Variants in PCDHGA9 observed in about 807,000 individuals in gnomAD.
The protein encoded by PCDHGA9 is protocadherin gamma subfamily A, 9.
In PCDHGA9, 37 loss-of-function variants were observed where a neutral mutation model predicts 62.5. The observed-to-expected ratio is 0.59, with a 90% CI of 0.46 to 0.78. The LOEUF is 0.78. Among genes scored for constraint, PCDHGA9 ranks in the 30% least tolerant of loss-of-function variants. PCDHGA9 has a pLI of 0.00. For synonymous variants in PCDHGA9, 459 were observed against 484.6 expected, an observed-to-expected ratio of 0.95 and a Z score of 0.69; for missense variants, 1,138 against 1,166.2, an observed-to-expected ratio of 0.98 and a Z score of 0.35.
chr5:141,511,115 A>G lies in PCDHGA9; in HGVS notation c.2741A>G (p.Lys914Arg). 6.2e-7 allele frequency: 1 copy of G among 1,614,214 alleles called. No individual in the cohort carries two copies. Among genetic ancestry groups the G allele is most frequent in the Non-Finnish European group, 8.5e-7 (1 of 1,180,006 alleles). ...AACGCAGCTGGCAAGCGGGATGGCA[A>G]GGCCCCAGCAGGTGGCAATGGCAAC... Reference protein sequence around the residue: ...LTNAAGKRDGKAPAGGNGNKK... With the variant: ...LTNAAGKRDGRAPAGGNGNKK... Residue 914 changes from lysine (K) to arginine (R), a missense_variant, in exon 4 of 4, where the codon AAG becomes AGG. Coordinates refer to ENST00000573521, the MANE Select transcript of PCDHGA9 (RefSeq NM_018921.3).
intron 1 of PCDHGA9, among the ~76,000 whole-genome samples, chr5:141,444,152 ATTTTTTTTTTTT>A (rs747671382): frequency 5.9e-4 from 20 of 33,896 alleles, no homozygotes; most frequent in African/African-American, 1.8e-3. Flanking sequence ...TGTGTACTGG[ATTTTTTTTTTTT>A]TTTTTTTTTT....
At position 141,476,114 on chromosome 5, in the gene PCDHGA9, G is replaced by C; in HGVS notation, c.2425-18693G>C. 3.8e-6 allele frequency: 6 copies of C among 1,592,296 alleles called. No homozygotes were observed. Among genetic ancestry groups the C allele is most frequent in the Non-Finnish European group, 5.1e-6 (6 of 1,171,536 alleles). On this transcript the variant is annotated intron_variant, in intron 1 of 3. Coordinates refer to ENST00000573521, the MANE Select transcript of PCDHGA9 (RefSeq NM_018921.3). This position sits in a 1 kb window ranked among gnomAD's most constrained non-coding sequence, Gnocchi z 7.6. Reference sequence around the variant, plus strand: ...CCGCTGAGAGGAACTGCTTTTGAGTGAGATGGTCCCAGAGGCCTGGAGGAG... The same window carrying C: ...CCGCTGAGAGGAACTGCTTTTGAGTCAGATGGTCCCAGAGGCCTGGAGGAG...
Position 141,489,569 on chromosome 5 carries a change from C to T in PCDHGA9, c.2425-5238C>T. On this transcript the variant is annotated intron_variant, in intron 1 of 3. Coordinates refer to ENST00000573521, the MANE Select transcript of PCDHGA9 (RefSeq NM_018921.3). This position sits in a 1 kb window ranked among gnomAD's most constrained non-coding sequence, Gnocchi z 4.5. ...TGCCTGCTGCCAGTGCAGGTGGTGACTGAACACCCCCTGGAGCTAATCCGT... is the reference window on the plus strand; with the variant it reads ...TGCCTGCTGCCAGTGCAGGTGGTGATTGAACACCCCCTGGAGCTAATCCGT... 6.2e-7 allele frequency: 1 copy of T among 1,614,024 alleles called. No homozygotes were observed. The highest frequency in any genetic ancestry group is 2.2e-5 in the East Asian group (1 of 44,870).
At chr5:141,407,980 C>G in intron 1 of PCDHGA9, 1 of 760,358 alleles carries the variant, frequency 1.3e-6, no homozygotes, top group Non-Finnish European at 2.0e-6. Flanking sequence ...CGCCGGGGAT[C>G]CGTCAGCCTC....
chr5:141,489,126 T>A lies in PCDHGA9; in HGVS notation c.2425-5681T>A. ...TGCAAGCAGGCAAACCTCCGAGCAGTTTTTAAGAGGCTGGAAGGAGACATA... is the reference window on the plus strand; with the variant it reads ...TGCAAGCAGGCAAACCTCCGAGCAGATTTTAAGAGGCTGGAAGGAGACATA... On this transcript the variant is annotated intron_variant, in intron 1 of 3. Transcript: ENST00000573521. This position sits in a 1 kb window ranked among gnomAD's most constrained non-coding sequence, Gnocchi z 4.5. 1.7e-6 allele frequency: 1 copy of A among 585,136 alleles called. No individual in the cohort carries two copies. Among genetic ancestry groups the A allele is most frequent in the Non-Finnish European group, 2.7e-6 (1 of 375,012 alleles). The allele number at this position is 585,136 out of a possible 1,614,324, so 36.2% of individuals were successfully genotyped here.
chr5:141,446,775 T>C (rs1175892018), intron 1 of PCDHGA9, among the ~76,000 whole-genome samples: 2 of 152,188 alleles, frequency 1.3e-5, no homozygotes, highest in Admixed American at 6.5e-5. Context: ...CCGGTTACCA[T>C]TCTTTTACTC....
At chr5:141,495,974 CTCTT>C (rs1562171251) in intron 2 of PCDHGA9, among the ~76,000 whole-genome samples, 2 of 152,032 alleles carry the variant, frequency 1.3e-5, no homozygotes, top group Non-Finnish European at 1.5e-5. Context: ...TTCTCTGTTA[CTCTT>C]TCTTTATCTC....
At chr5:141,407,309 A>C (rs1197028846) in intron 1 of PCDHGA9, among the ~76,000 whole-genome samples, 1 of 152,240 alleles carries the variant, frequency 6.6e-6, no homozygotes, top group African/African-American at 2.4e-5. Flanking sequence ...AGTAGCCTTC[A>C]TACTTAGTAT....
At chr5:141,507,016 G>C (rs913170594) in intron 3 of PCDHGA9, 1 of 152,166 alleles carries the variant, frequency 6.6e-6, no homozygotes, top group African/African-American at 2.4e-5. Context: ...AACCGAGAAG[G>C]CACTTGCCCC....
chr5:141,486,105 A>C lies in PCDHGA9; in HGVS notation c.2425-8702A>C. The stretch of plus-strand genomic sequence containing the variant: ...ACTCTTTTGGGGCCCCTAGACTTTG[A>C]GAGTGAGAATTACTATGAATTTGAT... On this transcript the variant is annotated intron_variant, in intron 1 of 3. Transcript: ENST00000573521. This position sits in a 1 kb window ranked among gnomAD's most constrained non-coding sequence, Gnocchi z 5.0. The C allele has an allele frequency of 1.2e-6, 2 of 1,614,138 alleles. No individual in the cohort carries two copies. The highest frequency in any genetic ancestry group is 1.7e-6 in the Non-Finnish European group (2 of 1,180,016).
In PCDHGA9 at chr5:141,409,944, C is replaced by T. The variant is rs779095634; in HGVS notation, c.2424+4568C>T. The T allele has an allele frequency of 6.2e-7, 1 of 1,613,302 alleles. No individual in the cohort carries two copies. The highest frequency in any genetic ancestry group is 1.7e-5 in the Admixed American group (1 of 60,024). On this transcript the variant is annotated intron_variant, in intron 1 of 3. Transcript: ENST00000573521. ...GCGTTCTTCGATATGGTACCTCGCTCTGCAGAGCCCGGCTACCTAGTGACT... is the reference window on the plus strand; with the variant it reads ...GCGTTCTTCGATATGGTACCTCGCTTTGCAGAGCCCGGCTACCTAGTGACT...
Position 141,485,804 on chromosome 5 carries a change from G to A in PCDHGA9, c.2425-9003G>A. 6.2e-7 allele frequency: 1 copy of A among 1,614,218 alleles called. No individual in the cohort carries two copies. On this transcript the variant is annotated intron_variant, in intron 1 of 3. Coordinates refer to ENST00000573521, the MANE Select transcript of PCDHGA9 (RefSeq NM_018921.3). This position sits in a 1 kb window ranked among gnomAD's most constrained non-coding sequence, Gnocchi z 5.7. The stretch of plus-strand genomic sequence containing the variant: ...AGAGAAGCAATCGGACTACCGCCTG[G>A]TGCTGACTGCTGTCGATGGAGGGAA...
chr5:141,506,253 G>A (rs1332023284), intron 3 of PCDHGA9, among the ~76,000 whole-genome samples: 2 of 151,862 alleles, frequency 1.3e-5, no homozygotes, highest in Non-Finnish European at 2.9e-5. Flanking sequence ...GTTCGAAACC[G>A]GCCTGGCCAA....
At chr5:141,494,250 G>C (rs908660385) in intron 1 of PCDHGA9, among the ~76,000 whole-genome samples, 3 of 152,182 alleles carry the variant, frequency 2.0e-5, no homozygotes, top group African/African-American at 7.2e-5. Flanking sequence ...TTTAGCTGTG[G>C]GAAGAGATTC....
At chr5:141,414,046 A>G (rs780040293) in intron 1 of PCDHGA9, 1 of 1,611,254 alleles carries the variant, frequency 6.2e-7, no homozygotes, top group Non-Finnish European at 8.5e-7. Context: ...ATTACCTGAC[A>G]CGCAATTGTT....
chr5:141,456,578 C>G (rs959608396), intron 1 of PCDHGA9, among the ~76,000 whole-genome samples: 10 of 152,182 alleles, frequency 6.6e-5, no homozygotes, highest in African/African-American at 1.7e-4. Flanking sequence ...TTTCCCTGAG[C>G]CTGTCAATAA....
intron 1 of PCDHGA9, among the ~76,000 whole-genome samples, chr5:141,481,478 T>C (rs2099538352): frequency 6.6e-6 from 1 of 152,232 alleles, no homozygotes; most frequent in African/African-American, 2.4e-5. Context: ...GATTATACAC[T>C]TTAAATATGT....
intron 1 of PCDHGA9, chr5:141,471,433 T>C (rs2099257619): frequency 6.6e-6 from 1 of 152,162 alleles, no homozygotes; most frequent in African/African-American, 2.4e-5. Flanking sequence ...GGAAAGTGTA[T>C]AATCTCATGT....
rs752153213 is a variant in PCDHGA9 at position 141,405,316 on chromosome 5, T to C, written c.2364T>C (p.Asn788=). The C allele has an allele frequency of 3.1e-6, 5 of 1,614,232 alleles. No individual in the cohort carries two copies. Among genetic ancestry groups the C allele is most frequent in the Non-Finnish European group, 4.2e-6 (5 of 1,180,034 alleles). The change falls in exon 1 of 4, where the codon AAT becomes AAC. Residue 788 remains asparagine (N), a synonymous_variant. Coordinates refer to ENST00000573521, the MANE Select transcript of PCDHGA9 (RefSeq NM_018921.3). The part of the protein sequence containing the change: ...TLISQQSCEK[N]EPLCVSVDSK... ...TCAGCCAGCAGAGCTGTGAGAAAAA[T>C]GAGCCTTTGTGCGTCTCTGTTGATT...
Sources: allele counts gnomAD v4.1 joint callset (sites outside exome capture counted in the v4.1 genomes callset), GRCh38; gene constraint gnomAD v4.1.1; non-coding constraint Gnocchi (gnomAD v3.1); transcripts MANE v1.5; gene names NCBI Gene and HGNC (gene_info 2026-07-23, HGNC 2026-07-21).